TNKS: variants seen among roughly 807,000 people sequenced by gnomAD.
TNKS encodes poly [ADP-ribose] polymerase tankyrase-1.
TNKS carries 72 observed loss-of-function variants against 135.8 expected under a neutral mutation model. The ratio of observed to expected loss-of-function variants is 0.53; its 90% CI spans 0.44 to 0.64. TNKS has a LOEUF of 0.64. Ranked by LOEUF, TNKS falls within the 30% of genes least tolerant of loss-of-function variation. TNKS has a pLI of 0.00. For missense variants in TNKS, 1,769 were observed against 1,674.0 expected, an observed-to-expected ratio of 1.06 and a Z score of -0.99; for synonymous variants, 849 against 649.3, an observed-to-expected ratio of 1.31 and a Z score of -4.68.
intron 3 of TNKS, chr8:9,670,316 C>A (rs904376388): frequency 2.0e-5 from 3 of 151,976 alleles, no homozygotes; most frequent in Non-Finnish European, 2.9e-5. Flanking sequence ...CATTTTTATT[C>A]GAAGTAGCAG....
chr8:9,692,514 A>T (rs900422261), intron 5 of TNKS, among the ~76,000 whole-genome samples: 3 of 152,228 alleles, frequency 2.0e-5, no homozygotes, highest in African/African-American at 7.2e-5. Context: ...ATCCACTGTG[A>T]TGAGACTATA....
At chr8:9,576,776 A>T (rs1797966299) in intron 1 of TNKS, among the ~76,000 whole-genome samples, 1 of 152,188 alleles carries the variant, frequency 6.6e-6, no homozygotes, top group South Asian at 2.1e-4. Flanking sequence ...GATTATGGTT[A>T]TCAACCTTCC....
intron 3 of TNKS, among the ~76,000 whole-genome samples, chr8:9,656,517 G>A (rs1031760329): frequency 2.0e-5 from 3 of 152,026 alleles, no homozygotes; most frequent in African/African-American, 4.8e-5. Context: ...ACAAAGGGAA[G>A]CCCATCAGAC....
intron 5 of TNKS, among the ~76,000 whole-genome samples, chr8:9,701,726 A>C (rs922356259): frequency 5.9e-5 from 9 of 152,264 alleles, no homozygotes; most frequent in African/African-American, 2.2e-4. Context: ...GCCTTAACAC[A>C]AGGAGGGGAA....
At chr8:9,721,207 G>A (rs1336999801) in intron 12 of TNKS, among the ~76,000 whole-genome samples, 2 of 150,328 alleles carry the variant, frequency 1.3e-5, no homozygotes, top group Admixed American at 6.7e-5. Context: ...GCTTGAACGC[G>A]GGAGGCGGAG....
chr8:9,624,377 C>G (rs1224082285), intron 3 of TNKS, among the ~76,000 whole-genome samples: 1 of 152,180 alleles, frequency 6.6e-6, no homozygotes, highest in Non-Finnish European at 1.5e-5. Flanking sequence ...TAATGCTTTG[C>G]TATTGTAATG....
chr8:9,715,130 G>A (rs752380850), intron 11 of TNKS, among the ~76,000 whole-genome samples: 62 of 152,174 alleles, frequency 4.1e-4, no homozygotes, highest in Admixed American at 2.6e-4. Flanking sequence ...GCCACTGAGA[G>A]AAATCAAGGC....
rs1024691287 is a variant in TNKS at position 9,722,498 on chromosome 8, T to G, written c.1921+1953T>G. Reference sequence around the variant, plus strand: ...ATCTAGCATGTCTTCACTATCAACATGAGTAAGATCCAGCTGAACAAATGA... The same window carrying G: ...ATCTAGCATGTCTTCACTATCAACAGGAGTAAGATCCAGCTGAACAAATGA... On this transcript the variant is annotated intron_variant, in intron 12 of 26. Coordinates refer to ENST00000310430, the MANE Select transcript of TNKS (RefSeq NM_003747.3). 4.7e-5 allele frequency: 7 copies of G among 149,460 alleles called. No individual in the cohort carries two copies. In the Admixed American group the frequency reaches 4.7e-4, roughly 10 times the overall value. The allele number at this position is 149,460 out of a possible 1,614,324, so 9.3% of individuals were successfully genotyped here.
intron 12 of TNKS, among the ~76,000 whole-genome samples, chr8:9,720,835 G>C (rs547094256): frequency 4.6e-5 from 7 of 152,250 alleles, no homozygotes; most frequent in Non-Finnish European, 1.0e-4. Context: ...AATTATGGTA[G>C]CTATAAAATC....
At chr8:9,690,442 T>C (rs1803212194) in intron 5 of TNKS, among the ~76,000 whole-genome samples, 1 of 152,186 alleles carries the variant, frequency 6.6e-6, no homozygotes, top group Non-Finnish European at 1.5e-5. Context: ...AAAATAAAGA[T>C]AGTCCTTTAT....
chr8:9,583,804 C>A (rs907515273), intron 2 of TNKS, among the ~76,000 whole-genome samples: 6 of 151,494 alleles, frequency 4.0e-5, no homozygotes, highest in African/African-American at 1.5e-4. Context: ...TTTTTTGAGA[C>A]TGTTAGTGCT....
chr8:9,771,137 AAG>A, intron 26 of TNKS, among the ~76,000 whole-genome samples: 1 of 149,788 alleles, frequency 6.7e-6, no homozygotes, highest in East Asian at 2.0e-4. Context: ...GAAGGGAGGG[AAG>A]GAGAGAGAGA....
chr8:9,606,282 T>A (rs1302409867), intron 2 of TNKS, among the ~76,000 whole-genome samples: 2 of 151,704 alleles, frequency 1.3e-5, no homozygotes, highest in African/African-American at 4.8e-5. Context: ...TATATGTTGC[T>A]TTATTTATGA....
chr8:9,635,614 T>C (rs991466712), intron 3 of TNKS, among the ~76,000 whole-genome samples: 1 of 152,168 alleles, frequency 6.6e-6, no homozygotes, highest in African/African-American at 2.4e-5. Flanking sequence ...TGACAATACT[T>C]TTTTTGGATA....
intron 2 of TNKS, among the ~76,000 whole-genome samples, chr8:9,610,979 A>T (rs931253519): frequency 6.6e-6 from 1 of 152,224 alleles, no homozygotes; most frequent in African/African-American, 2.4e-5. Flanking sequence ...ATGAAATGAA[A>T]CAACATAGCT....
intron 3 of TNKS, among the ~76,000 whole-genome samples, chr8:9,633,534 A>G (rs148427499): frequency 1.6e-3 from 240 of 152,342 alleles, no homozygotes; most frequent in Non-Finnish European, 2.9e-3. Context: ...TGCCCAATCA[A>G]CCTGTCTCCT....
chr8:9,775,778 T>C (rs1808198214), intron 26 of TNKS, among the ~76,000 whole-genome samples: 1 of 152,180 alleles, frequency 6.6e-6, no homozygotes, highest in Admixed American at 6.5e-5. Context: ...CAAACTATTT[T>C]TGGTCCCCAA....
At chr8:9,638,444 A>G (rs931861682) in intron 3 of TNKS, among the ~76,000 whole-genome samples, 22 of 152,344 alleles carry the variant, frequency 1.4e-4, no homozygotes, top group African/African-American at 5.1e-4. Context: ...TTTTCTGGAG[A>G]AGAAAACAGC....
At chr8:9,758,474 A>G (rs921101481) in intron 20 of TNKS, among the ~76,000 whole-genome samples, 2 of 152,216 alleles carry the variant, frequency 1.3e-5, no homozygotes, top group Non-Finnish European at 2.9e-5. Context: ...AAATGCCAAG[A>G]TAGCGTAGGT....
Sources: allele counts gnomAD v4.1 joint callset (sites outside exome capture counted in the v4.1 genomes callset), GRCh38; gene constraint gnomAD v4.1.1; transcripts MANE v1.5; gene names NCBI Gene and HGNC (gene_info 2026-07-23, HGNC 2026-07-21).